SDK1: variants seen among roughly 807,000 people sequenced by gnomAD.
SDK1 encodes protein sidekick-1.
In SDK1, 157 loss-of-function variants were observed where a neutral mutation model predicts 245.5. That is an observed-to-expected ratio of 0.64 (90% CI 0.56 to 0.73). The LOEUF is 0.73. Ranked by LOEUF, SDK1 falls within the 30% of genes least tolerant of loss-of-function variation. SDK1 has a pLI of 0.00. For synonymous variants in SDK1, 1,647 were observed against 1,278.5 expected, an observed-to-expected ratio of 1.29 and a Z score of -6.15; for missense variants, 3,583 against 3,002.3, an observed-to-expected ratio of 1.19 and a Z score of -4.52.
chr7:4,188,917 C>G (rs564773770), intron 35 of SDK1, among the ~76,000 whole-genome samples: 6 of 152,226 alleles, frequency 3.9e-5, no homozygotes, highest in African/African-American at 1.2e-4. Context: ...TTTACTGTTG[C>G]CCTAGTACTT....
intron 4 of SDK1, among the ~76,000 whole-genome samples, chr7:3,748,567 A>G (rs1779690063): frequency 6.6e-6 from 1 of 152,188 alleles, no homozygotes; most frequent in South Asian, 2.1e-4. Context: ...GAAATACACT[A>G]TTCAGTCACA....
intron 44 of SDK1, among the ~76,000 whole-genome samples, chr7:4,262,574 A>G (rs1468579886): frequency 9.2e-5 from 14 of 151,542 alleles, no homozygotes; most frequent in Admixed American, 7.9e-4. Context: ...CCGGGGAGAC[A>G]TATTAGACAC....
chr7:3,398,179 G>T (rs78629476), intron 1 of SDK1, among the ~76,000 whole-genome samples: 3 of 152,012 alleles, frequency 2.0e-5, no homozygotes, highest in African/African-American at 7.2e-5. Flanking sequence ...TTAGTTTCCC[G>T]TAGTATCCTT....
At chr7:3,893,120 C>G (rs186044658) in intron 5 of SDK1, among the ~76,000 whole-genome samples, 2 of 152,296 alleles carry the variant, frequency 1.3e-5, no homozygotes, top group Non-Finnish European at 2.9e-5. Context: ...ATCACAGCAT[C>G]TAACTCTCAG....
At chr7:3,805,425 T>A (rs1779217758) in intron 4 of SDK1, among the ~76,000 whole-genome samples, 1 of 152,252 alleles carries the variant, frequency 6.6e-6, no homozygotes, top group Non-Finnish European at 1.5e-5. Flanking sequence ...AGGTTGATTC[T>A]TGAGTTCTTG....
chr7:3,560,362 A>G (rs1004180468), intron 1 of SDK1, among the ~76,000 whole-genome samples: 1 of 152,112 alleles, frequency 6.6e-6, no homozygotes, highest in Non-Finnish European at 1.5e-5. Flanking sequence ...ATTTTAGTTA[A>G]TGGCAAGTGT....
At chr7:3,930,050 C>G (rs564319671) in intron 5 of SDK1, among the ~76,000 whole-genome samples, 1 of 152,146 alleles carries the variant, frequency 6.6e-6, no homozygotes, top group African/African-American at 2.4e-5. Context: ...TCAGCCCACC[C>G]AGCACAGAAC....
chr7:3,559,403 G>C (rs376173558), intron 1 of SDK1, among the ~76,000 whole-genome samples: 5 of 151,870 alleles, frequency 3.3e-5, no homozygotes, highest in African/African-American at 1.2e-4. Flanking sequence ...TCCATTTCCA[G>C]GAAAAAAAAT....
chr7:4,158,718 G>C (rs1780929211), intron 31 of SDK1, among the ~76,000 whole-genome samples, 167 bp downstream of exon 31: 1 of 152,224 alleles, frequency 6.6e-6, no homozygotes. Flanking sequence ...ACAGCCTGTG[G>C]TCATAAATCA....
intron 5 of SDK1, among the ~76,000 whole-genome samples, chr7:3,945,215 T>C (rs1315331181): frequency 6.6e-6 from 1 of 152,192 alleles, no homozygotes; most frequent in Admixed American, 6.5e-5. Flanking sequence ...CAGAAAGTTA[T>C]AGATAATGAA....
intron 25 of SDK1, among the ~76,000 whole-genome samples, chr7:4,125,184 A>T (rs1001297571): frequency 5.0e-5 from 7 of 139,410 alleles, no homozygotes; most frequent in Non-Finnish European, 7.6e-5. Context: ...GGATGGATGG[A>T]TGGGTGATGG....
At chr7:4,168,315 G>A (rs1781623470) in intron 32 of SDK1, among the ~76,000 whole-genome samples, 1 of 152,218 alleles carries the variant, frequency 6.6e-6, no homozygotes, top group Non-Finnish European at 1.5e-5. Context: ...TAGCCTGTTG[G>A]CCAAATGTGG....
At chr7:4,165,567 G>A (rs1195711841) in intron 32 of SDK1, among the ~76,000 whole-genome samples, 1 of 149,858 alleles carries the variant, frequency 6.7e-6, no homozygotes, top group Non-Finnish European at 1.5e-5. Context: ...TCGGCTCACT[G>A]CAACCTCTGC....
intron 1 of SDK1, among the ~76,000 whole-genome samples, chr7:3,573,380 C>G (rs1780177896): frequency 6.6e-6 from 1 of 152,080 alleles, no homozygotes; most frequent in South Asian, 2.1e-4. Flanking sequence ...GCAGAGCACC[C>G]TTCTCTGCTG....
At chr7:4,053,867 T>C (rs1214753741) in intron 19 of SDK1, among the ~76,000 whole-genome samples, 1 of 152,186 alleles carries the variant, frequency 6.6e-6, no homozygotes, top group African/African-American at 2.4e-5. Context: ...CTTTCTGCTT[T>C]TGTTTAACTG....
chr7:4,258,401 C>G (rs1032612164), intron 44 of SDK1, among the ~76,000 whole-genome samples: 6 of 152,138 alleles, frequency 3.9e-5, no homozygotes, highest in African/African-American at 1.4e-4. Context: ...CGAGTGGGTG[C>G]AAGACAGACT....
chr7:3,611,503 C>T (rs757219145), intron 1 of SDK1, among the ~76,000 whole-genome samples: 43 of 152,074 alleles, frequency 2.8e-4, no homozygotes, highest in Non-Finnish European at 2.9e-5. Flanking sequence ...GGACTTTGTC[C>T]TAAAACAATC....
At position 3,664,139 on chromosome 7, in the gene SDK1, G is replaced by C. The variant is rs779485157; in HGVS notation, c.713+22034G>C. On this transcript the variant is annotated intron_variant, in intron 4 of 44. Coordinates refer to ENST00000404826, the MANE Select transcript of SDK1 (RefSeq NM_152744.4). ...AGTGAGCATTTCTCAGTTTGCCACT[G>C]GGAGATATTTTTCTTTCTTCTTGGT... Among the ~76,000 whole-genome samples, 182 of 152,152 alleles carry C rather than the reference G, an allele frequency of 1.2e-3. 1 individual carries two copies. The highest frequency in any genetic ancestry group is 4.4e-4 in the Non-Finnish European group (30 of 68,004).
intron 31 of SDK1, among the ~76,000 whole-genome samples, chr7:4,159,483 G>A (rs1780980993): frequency 6.6e-6 from 1 of 152,240 alleles, no homozygotes; most frequent in African/African-American, 2.4e-5. Flanking sequence ...GTGCTCCCAG[G>A]AAAAGCACAC....
Sources: allele counts gnomAD v4.1 joint callset (sites outside exome capture counted in the v4.1 genomes callset), GRCh38; gene constraint gnomAD v4.1.1; transcripts MANE v1.5; gene names NCBI Gene and HGNC (gene_info 2026-07-23, HGNC 2026-07-21).